MACROD2: variants seen among roughly 807,000 people sequenced by gnomAD.
The protein encoded by MACROD2 is ADP-ribose glycohydrolase MACROD2.
Under a neutral mutation model 70.4 loss-of-function variants are expected in MACROD2, and 36 were observed. The ratio of observed to expected loss-of-function variants is 0.51; its 90% confidence interval spans 0.39 to 0.68. The LOEUF (loss-of-function observed/expected upper bound fraction) is 0.68, where lower values mean the gene tolerates loss of function less well. Among genes scored for constraint, MACROD2 ranks in the 30% least tolerant of loss-of-function variants. MACROD2 has a pLI of 0.00. For synonymous variants in MACROD2, 172 were observed against 178.8 expected (o/e 0.96, Z 0.30); for missense variants, 496 against 538.4 (o/e 0.92, Z 0.78).
intron 5 of MACROD2, among the ~76,000 whole-genome samples, chr20:14,878,885 T>C (rs954565710): frequency 3.9e-5 from 6 of 152,148 alleles, no homozygotes; most frequent in Non-Finnish European, 8.8e-5. Flanking sequence ...TTCTTATCTC[T>C]AGCTCTTTGC....
chr20:14,847,326 G>C (rs1011066779), intron 5 of MACROD2, among the ~76,000 whole-genome samples: 4 of 152,124 alleles, frequency 2.6e-5, no homozygotes, highest in Middle Eastern at 3.4e-3. Context: ...TCTAGTTTTC[G>C]ACCTTAAGTT....
intron 5 of MACROD2, among the ~76,000 whole-genome samples, chr20:15,092,331 T>A (rs1166456681): frequency 3.3e-5 from 5 of 150,716 alleles, no homozygotes; most frequent in Admixed American, 1.3e-4. Context: ...TTTTCAAATA[T>A]AATTAATAAT....
chr20:14,432,231 T>C (rs2084002828), intron 3 of MACROD2, among the ~76,000 whole-genome samples: 1 of 152,130 alleles, frequency 6.6e-6, no homozygotes, highest in South Asian at 2.1e-4. Flanking sequence ...CTGTCTCACT[T>C]ACAGTCCTCT....
intron 5 of MACROD2, among the ~76,000 whole-genome samples, chr20:14,761,397 G>T (rs1384043642): frequency 1.3e-5 from 2 of 152,034 alleles, no homozygotes; most frequent in African/African-American, 2.4e-5. Context: ...TATACCTGAG[G>T]TTTAAAAGCT....
At chr20:15,302,345 C>T (rs2077653264) in intron 6 of MACROD2, among the ~76,000 whole-genome samples, 2 of 151,108 alleles carry the variant, frequency 1.3e-5, no homozygotes, top group South Asian at 2.1e-4. Context: ...AGTAATGTGA[C>T]CCTGGGCAGA....
intron 5 of MACROD2, among the ~76,000 whole-genome samples, chr20:14,739,738 A>G (rs559830148): frequency 1.6e-4 from 24 of 152,188 alleles, no homozygotes; most frequent in African/African-American, 5.1e-4. Flanking sequence ...GAAGCTAGCT[A>G]TATACATTAC....
intron 8 of MACROD2, among the ~76,000 whole-genome samples, chr20:15,655,067 G>C (rs1201274972): frequency 6.6e-6 from 1 of 152,084 alleles, no homozygotes; most frequent in African/African-American, 2.4e-5. Flanking sequence ...CATGAGGTCA[G>C]ATAAAGTAAA....
At chr20:15,683,870 G>A (rs545313843) in intron 8 of MACROD2, among the ~76,000 whole-genome samples, 8 of 152,236 alleles carry the variant, frequency 5.3e-5, no homozygotes, top group South Asian at 2.1e-4. Context: ...GTGAGCCATC[G>A]CGCCTGGCTG....
intron 6 of MACROD2, among the ~76,000 whole-genome samples, chr20:15,266,035 C>T (rs1026955063): frequency 3.3e-5 from 5 of 152,198 alleles, no homozygotes; most frequent in Non-Finnish European, 2.9e-5. Context: ...GCAATATGAT[C>T]GGGTTTCAAA....
chr20:16,015,084 G>A lies in MACROD2; in HGVS notation c.1154-26117G>A, dbSNP rs1022175732. Among the ~76,000 whole-genome samples, 68 of 152,088 alleles carry A rather than the reference G, an allele frequency of 4.5e-4. 2 individuals are homozygous for A. On this transcript the variant is annotated intron_variant, in intron 15 of 17. Coordinates refer to ENST00000684519, the MANE Select transcript of MACROD2 (RefSeq NM_001351661.2). Reference sequence around the variant, plus strand: ...ACTTTATTATTTTAGCCTTGTGACTGTATATTGTTTGCCCTTAAAGACTAA... The same window carrying A: ...ACTTTATTATTTTAGCCTTGTGACTATATATTGTTTGCCCTTAAAGACTAA...
Position 14,717,290 on chromosome 20 carries a change from C to G in MACROD2, c.418+32331C>G, listed in dbSNP as rs115368828. Among the ~76,000 whole-genome samples the G allele has an allele frequency of 4.2e-3, 633 of 152,260 alleles. 1 individual carries two copies. Among genetic ancestry groups the G allele is most frequent in the African/African-American group, 0.015 (611 of 41,550 alleles). ...GTTCGTTTCCTGGTGCAGTCATCAG[C>G]AGGTTATACAGGATGTATCTATCTG... On this transcript the variant is annotated intron_variant, in intron 5 of 17. Coordinates refer to ENST00000684519, the MANE Select transcript of MACROD2 (RefSeq NM_001351661.2).
intron 3 of MACROD2, among the ~76,000 whole-genome samples, chr20:14,450,522 T>G (rs1310747000): frequency 6.6e-6 from 1 of 152,126 alleles, no homozygotes; most frequent in African/African-American, 2.4e-5. Flanking sequence ...TGGGAGTAGT[T>G]AGCAGAAGTA....
intron 15 of MACROD2, among the ~76,000 whole-genome samples, chr20:15,989,201 CAT>C (rs1337317123): frequency 6.6e-6 from 1 of 152,196 alleles, no homozygotes; most frequent in African/African-American, 2.4e-5. Flanking sequence ...AGAAAATCCA[CAT>C]GTGATTTCCC....
At chr20:15,312,463 T>A (rs2077763343) in intron 6 of MACROD2, among the ~76,000 whole-genome samples, 1 of 152,206 alleles carries the variant, frequency 6.6e-6, no homozygotes, top group Non-Finnish European at 1.5e-5. Context: ...GATGATTTGA[T>A]GATTGTTGAA....
At chr20:15,258,808 T>C (rs988771389) in intron 6 of MACROD2, among the ~76,000 whole-genome samples, 3 of 152,002 alleles carry the variant, frequency 2.0e-5, no homozygotes, top group East Asian at 3.8e-4. Flanking sequence ...TATTGATAAA[T>C]GAGAGAACCA....
At chr20:14,185,221 C>T (rs936849812) in intron 3 of MACROD2, among the ~76,000 whole-genome samples, 1 of 152,038 alleles carries the variant, frequency 6.6e-6, no homozygotes, top group African/African-American at 2.4e-5. Context: ...ATCTAGAAAT[C>T]AGAAAACCAT....
intron 15 of MACROD2, among the ~76,000 whole-genome samples, chr20:16,023,873 T>C (rs1238620127): frequency 1.3e-5 from 2 of 152,140 alleles, no homozygotes; most frequent in East Asian, 1.9e-4. Context: ...CCAAATTCTA[T>C]GCGCTCAGGA....
At chr20:14,378,240 A>C (rs554062561) in intron 3 of MACROD2, among the ~76,000 whole-genome samples, 4 of 152,182 alleles carry the variant, frequency 2.6e-5, no homozygotes, top group Admixed American at 6.5e-5. Flanking sequence ...TAATATGGTG[A>C]GTGCTAAGGT....
chr20:15,714,252 C>T (rs753383287), intron 8 of MACROD2, among the ~76,000 whole-genome samples: 5 of 152,228 alleles, frequency 3.3e-5, no homozygotes, highest in Non-Finnish European at 5.9e-5. Flanking sequence ...TAAGGTTTCT[C>T]TTCCCCTGTT....
Sources: gnomAD v4.1 joint callset for allele counts (sites outside exome capture counted in the v4.1 genomes callset) on GRCh38, gnomAD v4.1.1 for gene constraint, MANE v1.5 for transcripts, NCBI Gene and HGNC (gene_info 2026-07-23, HGNC 2026-07-21) for gene names.